Variants in TRIM21 observed in about 807,000 individuals in gnomAD.
The protein encoded by TRIM21 is E3 ubiquitin-protein ligase TRIM21.
Under a neutral mutation model 36.1 loss-of-function variants are expected in TRIM21, and 35 were observed. The ratio of observed to expected loss-of-function variants is 0.97; its 90% CI spans 0.74 to 1.28. The LOEUF (loss-of-function observed/expected upper bound fraction) is 1.28, where lower values mean the gene tolerates loss of function less well. Among genes scored for constraint, TRIM21 ranks in the 50% most tolerant of loss-of-function variants. The pLI is 0.00. For missense variants in TRIM21, 635 were observed against 570.7 expected (o/e 1.11, Z -1.15); for synonymous variants, 256 against 211.5 (o/e 1.21, Z -1.83).
Position 4,385,281 on chromosome 11 carries a change from G to A in TRIM21, c.*4C>T, listed in dbSNP as rs1324289379. 1.9e-6 allele frequency: 3 copies of A among 1,607,180 alleles called. No individual in the cohort carries two copies. The highest frequency in any genetic ancestry group is 2.5e-6 in the Non-Finnish European group (3 of 1,176,934). ...GGGAGAGTGGCAGTGTCCAGAGAAA[G>A]CCATCAATAGTCAGTGGATCCTTGT... On this transcript the variant is annotated 3_prime_UTR_variant, in exon 7 of 7. Transcript: ENST00000254436.
intron 3 of TRIM21, among the ~76,000 whole-genome samples, chr11:4,389,016 T>G (rs1373435105): frequency 6.6e-6 from 1 of 152,102 alleles, no homozygotes; most frequent in Admixed American, 6.6e-5. Flanking sequence ...AACTGGAAGG[T>G]CACTCGATGA....
chr11:4,390,126 T>G lies in TRIM21; in HGVS notation c.284A>C (p.His95Pro), dbSNP rs1441731712. The change falls in exon 2 of 7, where the codon CAT (histidine) becomes CCT (proline). Residue 95 changes from histidine to proline, a missense_variant. By Grantham distance (77) the His-to-Pro change is moderately conservative. Transcript: ENST00000254436. Reference protein sequence around the residue: ...EGTQGERCAVHGERLHLFCEK... With the variant: ...EGTQGERCAVPGERLHLFCEK... ...ACAGAACAGGTGAAGTCTCTCTCCA[T>G]GCACTGCACACCGTTCCCCCTGTGT... 5.0e-6 allele frequency: 8 copies of G among 1,613,910 alleles called. No individual in the cohort carries two copies. The highest frequency in any genetic ancestry group is 6.8e-6 in the Non-Finnish European group (8 of 1,179,904).
chr11:4,393,389 G>A (rs868760573), intron 1 of TRIM21, among the ~76,000 whole-genome samples: 18 of 152,278 alleles, frequency 1.2e-4, no homozygotes, highest in African/African-American at 2.6e-4. Flanking sequence ...TCCCAGGTAG[G>A]GGGCAGCCGG....
intron 5 of TRIM21, 63 bp downstream of exon 5, chr11:4,386,905 C>T (rs2094956833): frequency 6.6e-7 from 1 of 1,523,818 alleles, no homozygotes; most frequent in African/African-American, 1.4e-5. Context: ...ATTCAATCAC[C>T]TTTGTCATAG....
At position 4,388,427 on chromosome 11, in the gene TRIM21, T is replaced by A. The variant is rs771600665; in HGVS notation, c.608A>T (p.Asp203Val). The A allele has an allele frequency of 6.2e-7, 1 of 1,613,940 alleles. No individual in the cohort carries two copies. The highest frequency in any genetic ancestry group is 1.3e-5 in the African/African-American group (1 of 75,060). ...CAGGATTCTCAGCTGCTCCCTCTCA[T>A]CCTTCTCCAGCTCCTGCAGCTGCCT... is the stretch of plus-strand genomic sequence containing the variant. ...EQRQLQELEKDEREQLRILGE... is the reference protein window; with the variant it reads ...EQRQLQELEKVEREQLRILGE... Residue 203 changes from aspartate to valine, a missense_variant, in exon 4 of 7, where the codon GAT becomes GTT. Physicochemically the swap from Asp to Val is radical, Grantham distance 152. Transcript: ENST00000254436.
Position 4,388,427 on chromosome 11 carries a change from T to C in TRIM21, c.608A>G (p.Asp203Gly). ...CAGGATTCTCAGCTGCTCCCTCTCATCCTTCTCCAGCTCCTGCAGCTGCCT... is the reference window on the plus strand; with the variant it reads ...CAGGATTCTCAGCTGCTCCCTCTCACCCTTCTCCAGCTCCTGCAGCTGCCT... Reference protein sequence around the residue: ...EQRQLQELEKDEREQLRILGE... With the variant: ...EQRQLQELEKGEREQLRILGE... Residue 203 changes from aspartate (D) to glycine (G), a missense_variant, in exon 4 of 7, where the codon GAT (aspartate) becomes GGT (glycine). Asp to Gly is a moderately conservative substitution (Grantham distance 94, BLOSUM62 -1). Transcript: ENST00000254436. 6.2e-7 allele frequency: 1 copy of C among 1,613,940 alleles called. No individual in the cohort carries two copies. Among genetic ancestry groups the C allele is most frequent in the Non-Finnish European group, 8.5e-7 (1 of 1,179,890 alleles).
intron 3 of TRIM21, 93 bp from the exon 4 acceptor site, chr11:4,388,623 G>C (rs1471598675): frequency 1.6e-6 from 2 of 1,216,156 alleles, no homozygotes; most frequent in Non-Finnish European, 2.4e-6. Flanking sequence ...ATCCCCAAGA[G>C]ACTCCACTCT....
chr11:4,388,661 GCA>G, intron 3 of TRIM21, 131 bp from the exon 4 acceptor site: 1 of 814,910 alleles, frequency 1.2e-6, no homozygotes, highest in Non-Finnish European at 2.0e-6. Context: ...ACACACACAT[GCA>G]CACGCACACG....
intron 2 of TRIM21, 111 bp downstream of exon 2, chr11:4,389,891 C>T: frequency 6.7e-7 from 1 of 1,497,692 alleles, no homozygotes; most frequent in Non-Finnish European, 9.2e-7. Flanking sequence ...CTACATTAGA[C>T]ATGGAGAGAG....
At position 4,388,192 on chromosome 11, in the gene TRIM21, G is replaced by T. The variant is rs942407703; in HGVS notation, c.735+108C>A. ...TGGGTTTGAATTCTACTTCATTTAA[G>T]AACATTCCAGGGACCAGGTGTCCAT... On this transcript the variant is annotated intron_variant, in intron 4 of 6. Transcript: ENST00000254436. The T allele has an allele frequency of 8.2e-6, 8 of 971,828 alleles. No homozygotes were observed. In the African/African-American group the frequency reaches 1.2e-4, roughly 14 times the overall value. 60.2% of individuals were successfully genotyped at this position (971,828 alleles called of 1,614,324 possible).
Position 4,385,761 on chromosome 11 carries a change from T to G in TRIM21, c.952A>C (p.Ile318Leu). ...TCAAATCTCTCTTCATTTCCAGGTA[T>G]GCTCTGCTGGGTGTCTCCAAGCCTC... ...QVRLGDTQQS[I>L]PGNEERFDSY... The change falls in exon 7 of 7, where the codon ATA becomes CTA. Residue 318 changes from isoleucine (I) to leucine (L), a missense_variant. Physicochemically the swap from Ile to Leu is conservative, Grantham distance 5. Coordinates refer to ENST00000254436, the MANE Select transcript of TRIM21 (RefSeq NM_003141.4). The G allele has an allele frequency of 6.2e-7, 1 of 1,613,626 alleles. No individual in the cohort carries two copies.
intron 5 of TRIM21, 77 bp downstream of exon 5, chr11:4,386,891 T>C: frequency 6.8e-7 from 1 of 1,467,674 alleles, no homozygotes; most frequent in Non-Finnish European, 9.3e-7. Flanking sequence ...TGCATGTACT[T>C]CTAATTCAAT....
chr11:4,386,012 C>G (rs1000202384), intron 6 of TRIM21, 145 bp downstream of exon 6: 1 of 1,077,362 alleles, frequency 9.3e-7, no homozygotes, highest in Non-Finnish European at 1.4e-6. Flanking sequence ...TGGTCCTGAC[C>G]TCTGAAGAAA....
At chr11:4,386,883 C>A in intron 5 of TRIM21, 85 bp downstream of exon 5, 2 of 1,400,622 alleles carry the variant, frequency 1.4e-6, no homozygotes, top group African/African-American at 1.4e-5. Context: ...AACTTCAGTG[C>A]ATGTACTTCT....
Position 4,385,485 on chromosome 11 carries a change from A to G in TRIM21, c.1228T>C (p.Phe410Leu), listed in dbSNP as rs765999535. The G allele has an allele frequency of 6.2e-7, 1 of 1,612,220 alleles. No homozygotes were observed. Among genetic ancestry groups the G allele is most frequent in the Non-Finnish European group, 8.5e-7 (1 of 1,179,084 alleles). The stretch of plus-strand genomic sequence containing the variant: ...ACCATGCCAGCCTCATAGTCCAGGA[A>G]AATCCCAACTTGGCATGGAGGCACC... Reference protein sequence around the residue: ...LQVPPCQVGIFLDYEAGMVSF... With the variant: ...LQVPPCQVGILLDYEAGMVSF... Residue 410 changes from phenylalanine to leucine, a missense_variant, in exon 7 of 7, where the codon TTC becomes CTC. Physicochemically the swap from Phe to Leu is conservative, Grantham distance 22. Transcript: ENST00000254436.
chr11:4,387,047 T>G, intron 4 of TRIM21, 57 bp from the exon 5 acceptor site: 1 of 1,538,438 alleles, frequency 6.5e-7, no homozygotes, highest in East Asian at 2.4e-5. Context: ...CACTGAGACA[T>G]CAGCCCTGTG....
chr11:4,388,807 G>A (rs1333440543), intron 3 of TRIM21, among the ~76,000 whole-genome samples: 3 of 152,066 alleles, frequency 2.0e-5, no homozygotes, highest in African/African-American at 7.2e-5. Flanking sequence ...ATATGGCATT[G>A]GGGACTTTTT....
intron 1 of TRIM21, 95 bp from the exon 2 acceptor site, chr11:4,390,553 T>C: frequency 1.3e-6 from 1 of 761,276 alleles, no homozygotes; most frequent in Non-Finnish European, 2.0e-6. Flanking sequence ...ACCAATGACA[T>C]TCTTCACAAA....
In TRIM21 at chr11:4,385,740, ATC is replaced by A; in HGVS notation, c.971_972del (p.Arg324IlefsTer2). On this transcript the variant is annotated frameshift_variant, in exon 7 of 7. Coordinates refer to ENST00000254436, the MANE Select transcript of TRIM21 (RefSeq NM_003141.4). LOFTEE classifies it low-confidence loss of function (END_TRUNC). Reference protein sequence around the residue: ...TQQSIPGNEERFDSYPMVLGA... With the variant: ...TQQSIPGNEEXFDSYPMVLGA... ...CCCAGGACCATAGGATAACTATCAA[ATC>A]TCTCTTCATTTCCAGGTATGCTCTG... 2 of 1,613,342 alleles carry A rather than the reference ATC, an allele frequency of 1.2e-6. No individual in the cohort carries two copies.
Sources: gnomAD v4.1 joint callset for allele counts (sites outside exome capture counted in the v4.1 genomes callset) on GRCh38, gnomAD v4.1.1 for gene constraint, MANE v1.5 for transcripts, NCBI Gene and HGNC (gene_info 2026-07-23, HGNC 2026-07-21) for gene names.